ABI2: variants seen among roughly 807,000 people sequenced by gnomAD.
ABI2 encodes abl interactor 2.
ABI2 carries 25 observed loss-of-function variants against 59.2 expected under a neutral mutation model. The observed-to-expected ratio is 0.42, with a 90% CI of 0.31 to 0.59. The LOEUF (loss-of-function observed/expected upper bound fraction) is 0.59, where lower values mean the gene tolerates loss of function less well. Ranked by LOEUF, ABI2 falls within the 20% of genes least tolerant of loss-of-function variation. The pLI is 0.14. For missense variants in ABI2, 545 were observed against 681.8 expected (o/e 0.80, Z 2.23); for synonymous variants, 213 against 235.5 (o/e 0.90, Z 0.87).
At chr2:203,370,361 T>G (rs751288155) in intron 2 of ABI2, among the ~76,000 whole-genome samples, 15 of 152,032 alleles carry the variant, frequency 9.9e-5, no homozygotes, top group Non-Finnish European at 2.2e-4. Context: ...GTGCTGGGAT[T>G]ACAGGCATGA....
At position 203,354,839 on chromosome 2, in the gene ABI2, A is replaced by T. The variant is rs78579510; in HGVS notation, c.118-12038A>T. Among the ~76,000 whole-genome samples, 1,312 of 152,314 alleles carry T rather than the reference A, an allele frequency of 8.6e-3. 10 individuals carry two copies. The highest frequency in any genetic ancestry group is 0.014 in the Non-Finnish European group (951 of 68,026). ...TTGCTCCAGAGGGATATGCTATCTT[A>T]GTATCTTCTAAGACTGTTTTCGATA... On this transcript the variant is annotated intron_variant, in intron 1 of 11. Transcript: ENST00000261018.
intron 2 of ABI2, among the ~76,000 whole-genome samples, chr2:203,369,806 TGGATAAA>T (rs2094934709): frequency 1.3e-5 from 2 of 152,168 alleles, no homozygotes; most frequent in Non-Finnish European, 2.9e-5. Flanking sequence ...ATTATTATGT[TGGATAAA>T]GGATCAAGTC....
At chr2:203,345,082 C>T (rs1021362325) in intron 1 of ABI2, among the ~76,000 whole-genome samples, 1 of 152,168 alleles carries the variant, frequency 6.6e-6, no homozygotes, top group Non-Finnish European at 1.5e-5. Context: ...GCTGTGGAAG[C>T]TTTCTTCTTA....
At chr2:203,355,656 C>T (rs2091531480) in intron 1 of ABI2, among the ~76,000 whole-genome samples, 1 of 151,262 alleles carries the variant, frequency 6.6e-6, no homozygotes. Context: ...ATGGAGAAAC[C>T]CCGTCTTTAC....
At chr2:203,426,893 TC>T (rs1176897298) in intron 11 of ABI2, among the ~76,000 whole-genome samples, 2 of 152,002 alleles carry the variant, frequency 1.3e-5, no homozygotes, top group Non-Finnish European at 2.9e-5. Flanking sequence ...ATGAGGTACT[TC>T]CCTGTAGGCT....
chr2:203,342,162 A>G (rs926541951), intron 1 of ABI2: 21 of 451,528 alleles, frequency 4.7e-5, no homozygotes, highest in Non-Finnish European at 7.5e-5. Flanking sequence ...TTATTTTATT[A>G]TATGTTTTTT....
At chr2:203,342,162 A>T (rs926541951) in intron 1 of ABI2, 7 of 451,528 alleles carry the variant, frequency 1.6e-5, no homozygotes, top group Non-Finnish European at 3.1e-5. Flanking sequence ...TTATTTTATT[A>T]TATGTTTTTT....
chr2:203,378,231 G>A (rs2095844137), intron 2 of ABI2, among the ~76,000 whole-genome samples: 1 of 151,604 alleles, frequency 6.6e-6, no homozygotes, highest in South Asian at 2.1e-4. Flanking sequence ...TCCTGCCTCA[G>A]CCCCCCAAGT....
At chr2:203,330,165 G>C (rs1258095237) in intron 1 of ABI2, among the ~76,000 whole-genome samples, 1 of 150,796 alleles carries the variant, frequency 6.6e-6, no homozygotes, top group African/African-American at 2.4e-5. Context: ...TGTTTGATTA[G>C]ACATACTGTT....
chr2:203,335,582 G>A (rs2076094591), intron 1 of ABI2, among the ~76,000 whole-genome samples: 2 of 152,074 alleles, frequency 1.3e-5, no homozygotes, highest in South Asian at 2.1e-4. Context: ...TTTATAAGTA[G>A]GATATAATTA....
Position 203,383,502 on chromosome 2 carries a change from G to GA in ABI2, c.480+1302dup, listed in dbSNP as rs551627139. Among the ~76,000 whole-genome samples the GA allele has an allele frequency of 1.3e-4, 20 of 152,242 alleles. No individual in the cohort carries two copies. In the East Asian group the frequency reaches 3.7e-3, roughly 28 times the overall value. ...GAAATACACGGAAAGTTTAATTGAA[G>GA]AAAAAATACAGAAACACACAGATTC... On this transcript the variant is annotated intron_variant, in intron 4 of 11. Transcript: ENST00000261018.
intron 2 of ABI2, 25 bp downstream of exon 2, chr2:203,367,069 T>A: frequency 6.3e-7 from 1 of 1,598,272 alleles, no homozygotes; most frequent in Non-Finnish European, 8.5e-7. Context: ...TTTTCCTATT[T>A]GCCTATGAGG....
At chr2:203,380,494 G>T in intron 3 of ABI2, 110 bp downstream of exon 3, 5 of 677,542 alleles carry the variant, frequency 7.4e-6, no homozygotes, top group Non-Finnish European at 8.9e-6. Context: ...CAAAGTCTTG[G>T]CCCAGTTGTG....
intron 10 of ABI2, among the ~76,000 whole-genome samples, chr2:203,416,397 G>A (rs113217304): frequency 0.21 from 32,212 of 151,956 alleles, 3,799 homozygotes; most frequent in Non-Finnish European, 0.26. Context: ...CCCGGTTCCA[G>A]CGATTCTTGT....
chr2:203,332,205 A>G (rs372038723), intron 1 of ABI2, among the ~76,000 whole-genome samples: 34 of 152,340 alleles, frequency 2.2e-4, no homozygotes, highest in African/African-American at 7.2e-4. Context: ...TATGATAAAC[A>G]GGTATAACTA....
At chr2:203,415,514 G>A (rs1397389301) in intron 10 of ABI2, among the ~76,000 whole-genome samples, 2 of 151,624 alleles carry the variant, frequency 1.3e-5, no homozygotes, top group African/African-American at 2.4e-5. Context: ...CTACTTGGGA[G>A]GGTGAGGCAG....
chr2:203,338,106 G>A (rs1450471079), intron 1 of ABI2, among the ~76,000 whole-genome samples: 3 of 152,126 alleles, frequency 2.0e-5, no homozygotes, highest in East Asian at 1.9e-4. Flanking sequence ...AATGGAGCCC[G>A]GAAATGTAGC....
chr2:203,342,185 G>A (rs569636324), intron 1 of ABI2: 7 of 454,536 alleles, frequency 1.5e-5, no homozygotes, highest in Admixed American at 4.7e-5. Context: ...CTTCCTGGTC[G>A]TTCAAAAATA....
chr2:203,408,049 A>G (rs985526224), intron 9 of ABI2, among the ~76,000 whole-genome samples: 1 of 152,248 alleles, frequency 6.6e-6, no homozygotes, highest in Non-Finnish European at 1.5e-5. Context: ...TTGTAACCCC[A>G]GACGGAACTG....
Sources: allele counts gnomAD v4.1 joint callset (sites outside exome capture counted in the v4.1 genomes callset), GRCh38; gene constraint gnomAD v4.1.1; transcripts MANE v1.5; gene names NCBI Gene and HGNC (gene_info 2026-07-23, HGNC 2026-07-21).